OTOGL: variants seen among roughly 807,000 people sequenced by gnomAD.
OTOGL encodes the protein otogelin like.
In OTOGL, 285 loss-of-function variants were observed where a neutral mutation model predicts 318.5. That is an observed-to-expected ratio of 0.89 (90% CI 0.81 to 0.99). The LOEUF is 0.99. OTOGL is among the 50% of genes least tolerant of loss of function. OTOGL has a pLI of 0.00. For synonymous variants in OTOGL, 987 were observed against 936.5 expected, an observed-to-expected ratio of 1.05 and a Z score of -0.99; for missense variants, 2,899 against 2,845.6, an observed-to-expected ratio of 1.02 and a Z score of -0.43.
intron 1 of OTOGL, among the ~76,000 whole-genome samples, chr12:80,132,272 T>G (rs558336764): frequency 6.6e-6 from 1 of 152,250 alleles, no homozygotes; most frequent in African/African-American, 2.4e-5. Context: ...AAACTTTATT[T>G]GTATTTTTTA....
chr12:80,274,712 C>T lies in OTOGL; in HGVS notation c.2681+2902C>T, dbSNP rs1045903500. On this transcript the variant is annotated intron_variant, in intron 24 of 58. Coordinates refer to ENST00000547103, the MANE Select transcript of OTOGL (RefSeq NM_001378609.3). ...ACAATGCTTGGCTTCAAAGTTTCCACGGACAGGCTGACTCTCTTGTTAGGG... is the reference window on the plus strand; with the variant it reads ...ACAATGCTTGGCTTCAAAGTTTCCATGGACAGGCTGACTCTCTTGTTAGGG... 1.3e-4 allele frequency among the ~76,000 whole-genome samples: 19 copies of T among 151,978 alleles called. 1 individual carries two copies. The highest frequency in any genetic ancestry group is 3.4e-4 in the African/African-American group (14 of 41,400).
intron 30 of OTOGL, among the ~76,000 whole-genome samples, chr12:80,312,267 A>G (rs1338366856): frequency 6.6e-6 from 1 of 152,216 alleles, no homozygotes; most frequent in Non-Finnish European, 1.5e-5. Flanking sequence ...CAAAAACATT[A>G]CGATAGACCG....
rs375868940 is a variant in OTOGL, at chr12:80,339,210, G to C, written c.4996G>C (p.Asp1666His). 1.2e-6 allele frequency: 2 copies of C among 1,606,226 alleles called. No individual in the cohort carries two copies. Among genetic ancestry groups the C allele is most frequent in the Non-Finnish European group, 1.7e-6 (2 of 1,175,358 alleles). ...GTGGTCTCATCTTACAGGAATCATA[G>C]ACATTCATTTTGGCTTCCGATTTAA... ...IKWSHLTGII[D>H]IHFGFRFNLS... Residue 1666 changes from aspartate (D) to histidine (H), a missense_variant, in exon 43 of 59, where the codon GAC becomes CAC. Coordinates refer to ENST00000547103, the MANE Select transcript of OTOGL (RefSeq NM_001378609.3).
chr12:80,279,410 C>T (rs1455082516), intron 26 of OTOGL, among the ~76,000 whole-genome samples: 1 of 151,196 alleles, frequency 6.6e-6, no homozygotes, highest in Admixed American at 6.6e-5. Context: ...AGCATAGTAC[C>T]CAATAGATAG....
At chr12:80,323,097 T>TACACACACAC (rs200949284) in intron 34 of OTOGL, among the ~76,000 whole-genome samples, 1 of 127,056 alleles carries the variant, frequency 7.9e-6, no homozygotes. Flanking sequence ...GAAAACCCAC[T>TACACACACAC]ACACACACAC....
intron 33 of OTOGL, among the ~76,000 whole-genome samples, chr12:80,320,020 G>C (rs1346640114): frequency 6.6e-6 from 1 of 152,060 alleles, no homozygotes; most frequent in Non-Finnish European, 1.5e-5. Flanking sequence ...ATCAAGTTTA[G>C]CCATTAGTAG....
chr12:80,321,696 G>A (rs766086999), intron 34 of OTOGL, among the ~76,000 whole-genome samples: 2 of 152,078 alleles, frequency 1.3e-5, no homozygotes, highest in Non-Finnish European at 1.5e-5. Context: ...ATTCTGCAAG[G>A]GTTCTTACTC....
Position 80,175,180 on chromosome 12 carries a change from C to G in OTOGL, c.-19-34233C>G, listed in dbSNP as rs142469712. Reference sequence around the variant, plus strand: ...AATGGAAATAAAAACAAGGATGTGTCTGAGTCATCTATTTAGAATTAAATA... The same window carrying G: ...AATGGAAATAAAAACAAGGATGTGTGTGAGTCATCTATTTAGAATTAAATA... On this transcript the variant is annotated intron_variant, in intron 1 of 58. Coordinates refer to ENST00000547103, the MANE Select transcript of OTOGL (RefSeq NM_001378609.3). 2.8e-4 allele frequency among the ~76,000 whole-genome samples: 42 copies of G among 152,120 alleles called. No homozygotes were observed. In the Middle Eastern group the frequency reaches 0.017, roughly 62 times the overall value.
chr12:80,189,157 AATAG>A (rs1266507694), intron 1 of OTOGL, among the ~76,000 whole-genome samples: 5 of 152,176 alleles, frequency 3.3e-5, no homozygotes, highest in Non-Finnish European at 7.3e-5. Flanking sequence ...TACTCAGATT[AATAG>A]AGTTTGGAAG....
chr12:80,304,496 T>A (rs949588996), intron 28 of OTOGL, among the ~76,000 whole-genome samples: 5 of 152,162 alleles, frequency 3.3e-5, no homozygotes, highest in African/African-American at 1.2e-4. Flanking sequence ...AGCAACAATA[T>A]CTTCTCAAAA....
chr12:80,140,556 C>T (rs1871865486), intron 1 of OTOGL, among the ~76,000 whole-genome samples: 1 of 152,156 alleles, frequency 6.6e-6, no homozygotes, highest in African/African-American at 2.4e-5. Context: ...ATTAGAGTAA[C>T]TGGGTTAATG....
intron 30 of OTOGL, among the ~76,000 whole-genome samples, chr12:80,312,805 T>TTTC (rs1002730480): frequency 6.6e-6 from 1 of 152,200 alleles, no homozygotes; most frequent in African/African-American, 2.4e-5. Flanking sequence ...TCCTGCTTCT[T>TTTC]TTCTTCTTCT....
chr12:80,341,902 C>T, intron 43 of OTOGL, 46 bp from the exon 44 acceptor site: 1 of 1,286,448 alleles, frequency 7.8e-7, no homozygotes, highest in Non-Finnish European at 1.1e-6. Context: ...GTGCTGTCTA[C>T]ATTAGTTTAA....
chr12:80,326,988 G>A (rs1223225556), intron 35 of OTOGL, among the ~76,000 whole-genome samples: 1 of 152,150 alleles, frequency 6.6e-6, no homozygotes, highest in Non-Finnish European at 1.5e-5. Context: ...CAATGGAAAT[G>A]TTTTTAAAAT....
intron 43 of OTOGL, among the ~76,000 whole-genome samples, chr12:80,341,602 C>T (rs1888771421): frequency 6.6e-6 from 1 of 152,068 alleles, no homozygotes; most frequent in African/African-American, 2.4e-5. Flanking sequence ...AAGTACCTTG[C>T]CAGGCCACTA....
intron 44 of OTOGL, among the ~76,000 whole-genome samples, chr12:80,342,550 T>G (rs1487812808): frequency 6.6e-6 from 1 of 152,212 alleles, no homozygotes; most frequent in African/African-American, 2.4e-5. Flanking sequence ...AATCTGTCAC[T>G]TACTCAATTT....
intron 37 of OTOGL, among the ~76,000 whole-genome samples, chr12:80,331,837 A>C (rs919937568): frequency 6.6e-6 from 1 of 152,154 alleles, no homozygotes; most frequent in Non-Finnish European, 1.5e-5. Context: ...TGTGGCACCA[A>C]TGTAATCACA....
At chr12:80,115,381 G>A (rs537361530) in intron 1 of OTOGL, among the ~76,000 whole-genome samples, 2 of 152,242 alleles carry the variant, frequency 1.3e-5, no homozygotes, top group East Asian at 3.9e-4. Flanking sequence ...GGAGTTTGCT[G>A]GAGGTCCACA....
chr12:80,309,575 C>G (rs558612596), intron 29 of OTOGL, among the ~76,000 whole-genome samples: 1 of 152,248 alleles, frequency 6.6e-6, no homozygotes, highest in Admixed American at 6.5e-5. Flanking sequence ...ATACAAGGGC[C>G]AAGAGGCTCT....
Sources: gnomAD v4.1 joint callset for allele counts (sites outside exome capture counted in the v4.1 genomes callset) on GRCh38, gnomAD v4.1.1 for gene constraint, MANE v1.5 for transcripts, NCBI Gene and HGNC (gene_info 2026-07-23, HGNC 2026-07-21) for gene names.